Variants in GRXCR1 observed in about 807,000 individuals in gnomAD.
GRXCR1 encodes glutaredoxin domain-containing cysteine-rich protein 1.
In GRXCR1, 27 loss-of-function variants were observed where a neutral mutation model predicts 27.3. That is an observed-to-expected ratio of 0.99 (90% CI 0.73 to 1.37). The LOEUF (loss-of-function observed/expected upper bound fraction) is 1.37, where lower values mean the gene tolerates loss of function less well. Among genes scored for constraint, GRXCR1 ranks in the 40% most tolerant of loss-of-function variants. The probability of loss-of-function intolerance (pLI) is 0.00; values close to 1 mark genes in which losing one functional copy is unlikely to be tolerated. For missense variants in GRXCR1, 379 were observed against 354.4 expected, an observed-to-expected ratio of 1.07 and a Z score of -0.56; for synonymous variants, 122 against 131.1, an observed-to-expected ratio of 0.93 and a Z score of 0.47.
intron 2 of GRXCR1, among the ~76,000 whole-genome samples, chr4:42,998,025 A>G (rs1194894021): frequency 1.3e-5 from 2 of 152,118 alleles, no homozygotes; most frequent in African/African-American, 2.4e-5. Flanking sequence ...AAAAGCGTAT[A>G]TTTCTTACTT....
At chr4:42,996,220 A>G (rs1055878488) in intron 2 of GRXCR1, among the ~76,000 whole-genome samples, 2 of 152,186 alleles carry the variant, frequency 1.3e-5, no homozygotes, top group African/African-American at 2.4e-5. Context: ...ATCCTGCTTT[A>G]TATGTAGTGC....
intron 1 of GRXCR1, among the ~76,000 whole-genome samples, chr4:42,938,506 C>A (rs560490936): frequency 2.0e-5 from 3 of 151,902 alleles, no homozygotes; most frequent in Non-Finnish European, 2.9e-5. Flanking sequence ...TTTTAAGGAA[C>A]CTCTACACTG....
intron 2 of GRXCR1, among the ~76,000 whole-genome samples, chr4:42,965,710 C>G (rs1243773568): frequency 6.6e-6 from 1 of 151,908 alleles, no homozygotes; most frequent in Non-Finnish European, 1.5e-5. Context: ...CTGCACAATA[C>G]AATTTTTTTA....
chr4:42,978,564 A>G lies in GRXCR1; in HGVS notation c.627+15430A>G, dbSNP rs931934828. 2.6e-4 allele frequency among the ~76,000 whole-genome samples: 40 copies of G among 152,080 alleles called. 1 individual carries two copies. Among genetic ancestry groups the G allele is most frequent in the Admixed American group, 8.5e-4 (13 of 15,246 alleles). Reference sequence around the variant, plus strand: ...GTACTTTATTTTTGTAACTTATATAATTGAGATTGTTTTCTTGATTTCTTA... The same window carrying G: ...GTACTTTATTTTTGTAACTTATATAGTTGAGATTGTTTTCTTGATTTCTTA... On this transcript the variant is annotated intron_variant, in intron 2 of 3. Coordinates refer to ENST00000399770, the MANE Select transcript of GRXCR1 (RefSeq NM_001080476.3).
intron 1 of GRXCR1, among the ~76,000 whole-genome samples, chr4:42,904,600 A>T (rs1303928563): frequency 2.0e-5 from 3 of 152,160 alleles, no homozygotes; most frequent in Admixed American, 2.0e-4. Context: ...TATTGGTCAA[A>T]TGGGGATAAT....
intron 3 of GRXCR1, among the ~76,000 whole-genome samples, chr4:43,027,580 G>A (rs1713295852): frequency 6.6e-6 from 1 of 152,168 alleles, no homozygotes; most frequent in African/African-American, 2.4e-5. Flanking sequence ...TGTCTGAAGT[G>A]CCACACATAG....
intron 3 of GRXCR1, among the ~76,000 whole-genome samples, chr4:43,026,868 C>T (rs1404047780): frequency 6.6e-6 from 1 of 152,194 alleles, no homozygotes; most frequent in Non-Finnish European, 1.5e-5. Flanking sequence ...TCCTCTCTTA[C>T]GTTTATGGCT....
At chr4:42,934,014 G>C (rs893730220) in intron 1 of GRXCR1, among the ~76,000 whole-genome samples, 1 of 151,736 alleles carries the variant, frequency 6.6e-6, no homozygotes, top group African/African-American at 2.4e-5. Context: ...GAGAAAACTT[G>C]GTCCATGTTC....
At chr4:42,975,811 C>T (rs1748506682) in intron 2 of GRXCR1, among the ~76,000 whole-genome samples, 2 of 152,156 alleles carry the variant, frequency 1.3e-5, no homozygotes. Flanking sequence ...ACTACAACCA[C>T]ATCTTCTTTA....
At chr4:42,969,753 T>C (rs1748339217) in intron 2 of GRXCR1, among the ~76,000 whole-genome samples, 1 of 152,034 alleles carries the variant, frequency 6.6e-6, no homozygotes, top group African/African-American at 2.4e-5. Flanking sequence ...GGCCAAACCA[T>C]ATCATTACAT....
chr4:42,910,711 T>A (rs1376607044), intron 1 of GRXCR1, among the ~76,000 whole-genome samples: 1 of 152,136 alleles, frequency 6.6e-6, no homozygotes. Flanking sequence ...AAGCTGTCCT[T>A]GATTTTCCAT....
intron 2 of GRXCR1, among the ~76,000 whole-genome samples, chr4:42,974,234 G>C (rs1003739061): frequency 2.6e-5 from 4 of 152,022 alleles, no homozygotes; most frequent in Non-Finnish European, 5.9e-5. Context: ...GATTGGTCAG[G>C]GTAGGAGGGA....
chr4:42,908,114 G>A (rs181825302), intron 1 of GRXCR1, among the ~76,000 whole-genome samples: 172 of 152,310 alleles, frequency 1.1e-3, no homozygotes, highest in Non-Finnish European at 2.0e-3. Context: ...CAGGTGGCAG[G>A]TCTGCATGGC....
At chr4:42,980,172 A>C (rs985623704) in intron 2 of GRXCR1, among the ~76,000 whole-genome samples, 1 of 150,986 alleles carries the variant, frequency 6.6e-6, no homozygotes. Context: ...AATTTTCTTC[A>C]TTCTACTATC....
intron 1 of GRXCR1, among the ~76,000 whole-genome samples, chr4:42,918,892 A>T (rs1746945029): frequency 6.6e-6 from 1 of 152,188 alleles, no homozygotes; most frequent in Non-Finnish European, 1.5e-5. Flanking sequence ...AGTTTTGTTC[A>T]TGTGAATTAA....
chr4:42,929,127 G>A (rs143641045), intron 1 of GRXCR1, among the ~76,000 whole-genome samples: 2,480 of 152,082 alleles, frequency 0.016, 25 homozygotes, highest in Non-Finnish European at 0.025. Flanking sequence ...TTCTTACTAT[G>A]TCTTCAGCAC....
chr4:43,001,079 A>G (rs1374311126), intron 2 of GRXCR1, among the ~76,000 whole-genome samples: 2 of 148,824 alleles, frequency 1.3e-5, no homozygotes, highest in African/African-American at 4.9e-5. Context: ...GGGAGCCCTC[A>G]TTGTGCCCAG....
intron 1 of GRXCR1, among the ~76,000 whole-genome samples, chr4:42,931,100 A>T (rs1747295375): frequency 6.6e-6 from 1 of 151,936 alleles, no homozygotes; most frequent in Non-Finnish European, 1.5e-5. Context: ...GGAAAAGGGT[A>T]TAAATACTCC....
intron 1 of GRXCR1, among the ~76,000 whole-genome samples, chr4:42,903,539 C>T (rs1746516759): frequency 6.8e-6 from 1 of 147,192 alleles, no homozygotes; most frequent in African/African-American, 2.5e-5. Context: ...GTCTCTATCT[C>T]CAGACCTTGT....
Sources: allele counts gnomAD v4.1 joint callset (sites outside exome capture counted in the v4.1 genomes callset), GRCh38; gene constraint gnomAD v4.1.1; transcripts MANE v1.5; gene names NCBI Gene and HGNC (gene_info 2026-07-23, HGNC 2026-07-21).